The following COBL variants were observed in gnomAD, a reference collection of about 807,000 sequenced individuals.
COBL encodes protein cordon-bleu.
In COBL, 51 loss-of-function variants were observed where a neutral mutation model predicts 98.8. The ratio of observed to expected loss-of-function variants is 0.52; its 90% CI spans 0.41 to 0.65. COBL has a LOEUF of 0.65. Ranked by LOEUF, COBL falls within the 30% of genes least tolerant of loss-of-function variation. The pLI, the probability that COBL is intolerant of heterozygous loss-of-function variation, is 0.00. For synonymous variants in COBL, 634 were observed against 651.7 expected (o/e 0.97, Z 0.41); for missense variants, 1,617 against 1,617.5 (o/e 1.00, Z 0.01).
Position 51,219,829 on chromosome 7 carries a change from G to A in COBL, c.157C>T (p.Arg53Cys), listed in dbSNP as rs746841361. 19 of 1,613,908 alleles carry A rather than the reference G, an allele frequency of 1.2e-5. No individual in the cohort carries two copies. Among genetic ancestry groups the A allele is most frequent in the South Asian group, 6.6e-5 (6 of 91,074 alleles). The change falls in exon 2 of 13, where the codon CGC (arginine) becomes TGC (cysteine). Residue 53 changes from arginine (R) to cysteine (C), a missense_variant. By Grantham distance (180) the Arg-to-Cys change is radical. Around this residue, in one of 3 missense-constraint regions of COBL, gnomAD observed 238 missense variants for 215.0 expected, o/e 1.11. Transcript: ENST00000265136. ...GALGSQQNLVRMKEALRASTM... is the reference protein window; with the variant it reads ...GALGSQQNLVCMKEALRASTM... ...CTGGCCCTCAGCGCCTCCTTCATGC[G>A]AACCAAGTTCTGCTGCGACCCGAGG... is the stretch of plus-strand genomic sequence containing the variant.
At chr7:51,163,228 G>A (rs1786994043) in intron 5 of COBL, among the ~76,000 whole-genome samples, 1 of 152,186 alleles carries the variant, frequency 6.6e-6, no homozygotes, top group Non-Finnish European at 1.5e-5. Flanking sequence ...AGGATCAATG[G>A]CGTGGAAAAA....
intron 1 of COBL, among the ~76,000 whole-genome samples, chr7:51,252,187 TA>T (rs1372149750): frequency 2.0e-5 from 3 of 152,214 alleles, no homozygotes; most frequent in Non-Finnish European, 4.4e-5. Flanking sequence ...ACTGGCTTTT[TA>T]AAAACAGGCT....
At chr7:51,220,509 C>G (rs1318203745) in intron 1 of COBL, among the ~76,000 whole-genome samples, 1 of 152,130 alleles carries the variant, frequency 6.6e-6, no homozygotes, top group Non-Finnish European at 1.5e-5. Flanking sequence ...GGAAAGGATG[C>G]GGGTGATGGT....
intron 1 of COBL, among the ~76,000 whole-genome samples, chr7:51,256,769 CTAA>C (rs952012844): frequency 1.3e-5 from 2 of 152,184 alleles, no homozygotes; most frequent in Non-Finnish European, 2.9e-5. Flanking sequence ...GATAGGTGCT[CTAA>C]TGAGAAGTTT....
chr7:51,221,864 T>C (rs181728299), intron 1 of COBL, among the ~76,000 whole-genome samples: 7 of 152,358 alleles, frequency 4.6e-5, no homozygotes, highest in Non-Finnish European at 7.3e-5. Flanking sequence ...CACTGGTTAA[T>C]GTAAAGTTAC....
At chr7:51,053,659 A>G (rs566761856) in intron 7 of COBL, among the ~76,000 whole-genome samples, 2 of 152,250 alleles carry the variant, frequency 1.3e-5, no homozygotes, top group East Asian at 3.9e-4. Context: ...GCCACCCTGT[A>G]ATGTCAGTCA....
chr7:51,035,054 T>C (rs1293944261), intron 8 of COBL: 1 of 152,242 alleles, frequency 6.6e-6, no homozygotes. Flanking sequence ...GCCCAGGAAG[T>C]GGACCTGCGT....
At chr7:51,204,448 T>A (rs988782691) in intron 2 of COBL, among the ~76,000 whole-genome samples, 4 of 151,820 alleles carry the variant, frequency 2.6e-5, no homozygotes, top group African/African-American at 9.7e-5. Flanking sequence ...AGTGATATGA[T>A]CATACACATA....
intron 5 of COBL, among the ~76,000 whole-genome samples, chr7:51,165,923 A>G (rs996263715): frequency 6.6e-6 from 1 of 151,986 alleles, no homozygotes; most frequent in African/African-American, 2.4e-5. Flanking sequence ...ACAAATAATA[A>G]TGAAAACACA....
intron 1 of COBL, among the ~76,000 whole-genome samples, chr7:51,255,556 G>C (rs1270579271): frequency 2.0e-5 from 3 of 152,178 alleles, no homozygotes; most frequent in African/African-American, 7.2e-5. Flanking sequence ...TCAGAAGTTT[G>C]GCCAGGCCTG....
chr7:51,124,812 C>T (rs1170635456), intron 6 of COBL, among the ~76,000 whole-genome samples: 2 of 151,866 alleles, frequency 1.3e-5, no homozygotes, highest in East Asian at 3.8e-4. Flanking sequence ...TTTTTTCTTT[C>T]TTTCTTTCTT....
chr7:51,288,266 T>C (rs1179025237), intron 1 of COBL, among the ~76,000 whole-genome samples: 1 of 149,840 alleles, frequency 6.7e-6, no homozygotes, highest in Non-Finnish European at 1.5e-5. Context: ...AAACCTTGTC[T>C]CTACTAAAAA....
rs1484461881 is a variant in COBL, at chr7:51,259,737, G to A, written c.42-39793C>T. 8 of 743,488 alleles carry A rather than the reference G, an allele frequency of 1.1e-5. 1 individual carries two copies. Among genetic ancestry groups the A allele is most frequent in the Non-Finnish European group, 1.7e-5 (7 of 405,628 alleles). The allele number at this position is 743,488 out of a possible 1,614,324, so 46.1% of individuals were successfully genotyped here. Reference sequence around the variant, plus strand: ...AAAATGAGTTCCCAGGCAGACTTCAGATGTGGAAATACCCAGATCACATAA... The same window carrying A: ...AAAATGAGTTCCCAGGCAGACTTCAAATGTGGAAATACCCAGATCACATAA... On this transcript the variant is annotated intron_variant, in intron 1 of 12. Transcript: ENST00000265136.
chr7:51,280,552 G>C (rs1351731453), intron 1 of COBL, among the ~76,000 whole-genome samples: 1 of 152,184 alleles, frequency 6.6e-6, no homozygotes, highest in Non-Finnish European at 1.5e-5. Flanking sequence ...CCGTCTGTAG[G>C]TGCAGTCACA....
At chr7:51,058,554 AAACAACAACAACAACAAC>A (rs57660073) in intron 7 of COBL, among the ~76,000 whole-genome samples, 3 of 150,062 alleles carry the variant, frequency 2.0e-5, no homozygotes, top group African/African-American at 4.9e-5. Context: ...CCATGTCTCA[AAACAACAACAACAACAAC>A]AACAACAACA....
chr7:51,111,950 G>A (rs1796864356), intron 6 of COBL, among the ~76,000 whole-genome samples: 1 of 152,186 alleles, frequency 6.6e-6, no homozygotes, highest in African/African-American at 2.4e-5. Context: ...ATATGGTAAA[G>A]TGTGTTCCTA....
At chr7:51,260,187 C>T in intron 1 of COBL, 1 of 816,048 alleles carries the variant, frequency 1.2e-6, no homozygotes, top group Non-Finnish European at 2.0e-6. Flanking sequence ...GTTGTAGCTA[C>T]TGATCATGCG....
intron 1 of COBL, among the ~76,000 whole-genome samples, chr7:51,310,907 C>T (rs902255997): frequency 6.6e-6 from 1 of 151,910 alleles, no homozygotes; most frequent in Non-Finnish European, 1.5e-5. Context: ...CAACCCACCT[C>T]GGCCTCCCAA....
At chr7:51,143,357 A>T (rs1238622728) in intron 5 of COBL, among the ~76,000 whole-genome samples, 1 of 152,180 alleles carries the variant, frequency 6.6e-6, no homozygotes, top group Non-Finnish European at 1.5e-5. Flanking sequence ...TCCCTCTCAA[A>T]TGCACATGTA....
Sources: gnomAD v4.1 joint callset for allele counts (sites outside exome capture counted in the v4.1 genomes callset) on GRCh38, gnomAD v4.1.1 for gene constraint, gnomAD v4.1.1 regional missense constraint, MANE v1.5 for transcripts, NCBI Gene and HGNC (gene_info 2026-07-23, HGNC 2026-07-21) for gene names.